Variants in CPSF4L observed in about 807,000 individuals in gnomAD.
The protein encoded by CPSF4L is putative cleavage and polyadenylation specificity factor subunit 4-like protein.
Under a neutral mutation model 24.0 loss-of-function variants are expected in CPSF4L, and 18 were observed. The ratio of observed to expected loss-of-function variants is 0.75; its 90% CI spans 0.52 to 1.11. CPSF4L has a LOEUF of 1.11. Ranked by LOEUF, CPSF4L falls within the 50% of genes least tolerant of loss-of-function variation. CPSF4L has a pLI of 0.00. For synonymous variants in CPSF4L, 72 were observed against 77.2 expected, an observed-to-expected ratio of 0.93 and a Z score of 0.35; for missense variants, 211 against 221.8, an observed-to-expected ratio of 0.95 and a Z score of 0.31.
chr17:73,248,578 T>C, intron 5 of CPSF4L, 42 bp from the exon 6 acceptor site: 1 of 1,544,650 alleles, frequency 6.5e-7, no homozygotes, highest in Admixed American at 2.0e-5. Context: ...TCCATACACG[T>C]AATCCATATT....
upstream of CPSF4L, chr17:73,262,059 T>C (rs926240301): frequency 3.9e-5 from 21 of 541,994 alleles, no homozygotes; most frequent in Non-Finnish European, 6.0e-5. Context: ...CCCCACACTG[T>C]GTACACAAGG....
At chr17:73,245,353 A>G (rs2061935775), downstream of CPSF4L, 1 of 1,373,156 alleles carries the variant, frequency 7.3e-7, no homozygotes, top group Non-Finnish European at 9.5e-7. Context: ...ATAATGATAC[A>G]GGAAGTAAAC....
At position 73,257,739 on chromosome 17, in the gene CPSF4L, C is replaced by A. The variant is rs2062028962; in HGVS notation, c.249G>T (p.Lys83Asn). Residue 83 changes from lysine to asparagine, a missense_variant, in exon 3 of 6, where the codon AAG (lysine) becomes AAT (asparagine). Lys to Asn is a moderately conservative substitution (Grantham distance 94, BLOSUM62 0). Coordinates refer to ENST00000344935, the MANE Select transcript of CPSF4L (RefSeq NM_001129885.1). ...TGGTGAGGTCATACTGGTGCAGGAA[C>A]TTGCAGTGATCACCCTTCTTGCAGA... is the stretch of plus-strand genomic sequence containing the variant. ...RGLCKKGDHC[K>N]FLHQYDLTRM... 3.2e-6 allele frequency: 5 copies of A among 1,551,738 alleles called. No individual in the cohort carries two copies. The highest frequency in any genetic ancestry group is 3.5e-6 in the Non-Finnish European group (4 of 1,147,012).
chr17:73,247,483 G>A, downstream of CPSF4L: 1 of 734,358 alleles, frequency 1.4e-6, no homozygotes. Context: ...GTTATCAGGA[G>A]CATTTGTATC....
downstream of CPSF4L, among the ~76,000 whole-genome samples, chr17:73,246,791 T>G (rs1808774556): frequency 6.6e-6 from 1 of 151,900 alleles, no homozygotes; most frequent in Admixed American, 6.6e-5. Flanking sequence ...AGGGGAAGAG[T>G]TCTACATTCA....
intron 1 of CPSF4L, among the ~76,000 whole-genome samples, chr17:73,261,432 C>T (rs539663935): frequency 4.6e-5 from 7 of 152,240 alleles, no homozygotes; most frequent in African/African-American, 1.2e-4. Context: ...GAGGCCAAGG[C>T]GGGCGGATCA....
At chr17:73,256,118 G>A (rs939606208) in intron 3 of CPSF4L, among the ~76,000 whole-genome samples, 2 of 152,324 alleles carry the variant, frequency 1.3e-5, no homozygotes, top group East Asian at 1.9e-4. Flanking sequence ...ATCTGGGGGC[G>A]GAGGGGGACC....
chr17:73,248,296 G>C (rs988005799), downstream of CPSF4L: 219 of 579,802 alleles, frequency 3.8e-4, 3 homozygotes, highest in Admixed American at 6.8e-3. Flanking sequence ...AAGCCAGTAC[G>C]CTTCAGGTGT....
chr17:73,242,358 C>T, the CPSF4L span: 3 of 1,542,482 alleles, frequency 1.9e-6, no homozygotes, highest in Non-Finnish European at 2.6e-6. Flanking sequence ...AAAGGTGAGG[C>T]TGGAGTTTGA....
chr17:73,257,386 G>T lies in CPSF4L; in HGVS notation c.307+295C>A, dbSNP rs2062027979. Among the ~76,000 whole-genome samples the T allele has an allele frequency of 2.0e-5, 3 of 151,854 alleles. No homozygotes were observed. The South Asian group carries it at 6.3e-4, about 32-fold the overall frequency. On this transcript the variant is annotated intron_variant, in intron 3 of 5. Transcript: ENST00000344935. ...GGCTCATTTGAGACATTTCAATATA[G>T]TCAGGCTGGGTGTGTGATGAACCAA... is the stretch of plus-strand genomic sequence containing the variant.
At position 73,258,348 on chromosome 17, in the gene CPSF4L, C is replaced by T. The variant is rs1301940689; in HGVS notation, c.155-515G>A. 2.0e-5 allele frequency among the ~76,000 whole-genome samples: 3 copies of T among 152,064 alleles called. No homozygotes were observed. The South Asian group carries it at 6.2e-4, about 31-fold the overall frequency. On this transcript the variant is annotated intron_variant, in intron 2 of 5. Coordinates refer to ENST00000344935, the MANE Select transcript of CPSF4L (RefSeq NM_001129885.1). ...TGAGATGGCGTCTCGCTCTGTTGCC[C>T]ATGCTAGAGAGCAATGGCACGGTCT...
chr17:73,254,352 C>A (rs74465128), intron 3 of CPSF4L, among the ~76,000 whole-genome samples: 6 of 152,312 alleles, frequency 3.9e-5, no homozygotes, highest in Admixed American at 3.9e-4. Context: ...AGGCCTGCGA[C>A]GTTAAGTGGA....
chr17:73,261,728 G>A lies in CPSF4L; in HGVS notation c.91C>T (p.Gln31Ter). ...CACCCTCACTCACTGTCCATGCCCT[G>A]GAAAGGCAGGAGCCCAGTGCCCTTC... ...MQKGTGLLPF[Q>*]GMDKSASAVC... The change falls in exon 1 of 6, where the codon CAG becomes TAG. Residue 31 changes from glutamine to a stop codon, truncating the protein, a stop_gained. Transcript: ENST00000344935. LOFTEE classifies it high-confidence loss of function. 6.5e-7 allele frequency: 1 copy of A among 1,549,966 alleles called. No homozygotes were observed. The highest frequency in any genetic ancestry group is 1.4e-5 in the African/African-American group (1 of 73,148).
intron 3 of CPSF4L, among the ~76,000 whole-genome samples, chr17:73,254,575 C>G (rs1387175171): frequency 6.6e-6 from 1 of 152,174 alleles, no homozygotes. Context: ...ATGGATTAGA[C>G]CAAGTCTCAG....
At chr17:73,254,423 G>T (rs2062016736) in intron 3 of CPSF4L, among the ~76,000 whole-genome samples, 1 of 152,190 alleles carries the variant, frequency 6.6e-6, no homozygotes, top group South Asian at 2.1e-4. Context: ...AACCCATGCT[G>T]CCTGCAGAGC....
upstream of CPSF4L, among the ~76,000 whole-genome samples, chr17:73,263,754 G>A (rs895367735): frequency 4.0e-5 from 6 of 151,288 alleles, no homozygotes; most frequent in Admixed American, 2.0e-4. Flanking sequence ...AGGGATGGTC[G>A]GGGGAAGACT....
At chr17:73,247,127 A>T (rs1047498148), downstream of CPSF4L, 17 of 876,906 alleles carry the variant, frequency 1.9e-5, no homozygotes, top group Non-Finnish European at 2.9e-5. Context: ...AGCCCTGCTC[A>T]TTTGGTTAGG....
intron 3 of CPSF4L, among the ~76,000 whole-genome samples, chr17:73,255,504 C>T: frequency 8.2e-6 from 1 of 121,430 alleles, no homozygotes; most frequent in Admixed American, 8.7e-5. Context: ...GAGACTCTGT[C>T]TCCAAAAAAA....
chr17:73,243,411 C>T, the CPSF4L span, among the ~76,000 whole-genome samples: 1 of 152,152 alleles, frequency 6.6e-6, no homozygotes, highest in Admixed American at 6.5e-5. Context: ...ACCTCAGCCT[C>T]CCAAAGTGCT....
Sources: allele counts gnomAD v4.1 joint callset (sites outside exome capture counted in the v4.1 genomes callset), GRCh38; gene constraint gnomAD v4.1.1; transcripts MANE v1.5; gene names NCBI Gene and HGNC (gene_info 2026-07-23, HGNC 2026-07-21).